Variants in DYM observed in about 807,000 individuals in gnomAD.
The protein encoded by DYM is dyggve-Melchior-Clausen syndrome protein.
Under a neutral mutation model 93.1 loss-of-function variants are expected in DYM, and 78 were observed. That is an observed-to-expected ratio of 0.84 (90% CI 0.70 to 1.01). DYM has a LOEUF of 1.01. Ranked by LOEUF, DYM falls within the 50% of genes least tolerant of loss-of-function variation. DYM has a pLI of 0.00. For missense variants in DYM, 789 were observed against 845.0 expected, an observed-to-expected ratio of 0.93 and a Z score of 0.82; for synonymous variants, 321 against 319.7, an observed-to-expected ratio of 1.00 and a Z score of -0.04.
At chr18:49,370,050 G>A (rs1320040751) in intron 5 of DYM, among the ~76,000 whole-genome samples, 2 of 152,158 alleles carry the variant, frequency 1.3e-5, no homozygotes, top group Non-Finnish European at 2.9e-5. Context: ...GCCGAGATGG[G>A]CGGACCACTT....
chr18:49,183,820 T>C (rs1215931266), intron 14 of DYM, among the ~76,000 whole-genome samples: 2 of 152,034 alleles, frequency 1.3e-5, no homozygotes, highest in Non-Finnish European at 2.9e-5. Flanking sequence ...AGGAAATAAT[T>C]AAGGTTAATG....
rs1244897281 is a variant in DYM at position 49,042,991 on chromosome 18, T to C, written c.*1064A>G. ...ACTGTTTTCAAATGAAGCTTTTCTT[T>C]TTCCCAATGATTAATACAGAGTAGA... On this transcript the variant is annotated 3_prime_UTR_variant, in exon 18 of 18. Coordinates refer to ENST00000675505, the MANE Select transcript of DYM (RefSeq NM_001353214.3). 1 of 152,260 alleles carries C rather than the reference T, an allele frequency of 6.6e-6. No homozygotes were observed. The highest frequency in any genetic ancestry group is 1.5e-5 in the Non-Finnish European group (1 of 68,040). 9.4% of individuals were successfully genotyped at this position (152,260 alleles called of 1,614,324 possible). A position where few individuals can be genotyped will look rare whatever the true frequency, so the allele number is the denominator to read the frequency against.
chr18:49,289,778 T>TATATATATAC (rs1568181753), intron 8 of DYM, among the ~76,000 whole-genome samples: 35 of 55,910 alleles, frequency 6.3e-4, no homozygotes, highest in African/African-American at 2.5e-3. Context: ...TATATACACA[T>TATATATATAC]ATATATATAT....
At chr18:49,178,254 T>C (rs186264177) in intron 14 of DYM, among the ~76,000 whole-genome samples, 2 of 152,202 alleles carry the variant, frequency 1.3e-5, no homozygotes, top group East Asian at 1.9e-4. Context: ...AATGGGAATA[T>C]GTGGAAATGG....
chr18:49,160,895 T>A (rs898166993), intron 15 of DYM, among the ~76,000 whole-genome samples: 5 of 152,216 alleles, frequency 3.3e-5, no homozygotes, highest in African/African-American at 1.2e-4. Flanking sequence ...ACGGTGCTTA[T>A]TTTTAAGGTT....
chr18:49,079,714 G>A (rs942018173), intron 17 of DYM, among the ~76,000 whole-genome samples: 6 of 151,632 alleles, frequency 4.0e-5, no homozygotes, highest in African/African-American at 1.5e-4. Context: ...AGAGCACAGG[G>A]TTGGGGGTAA....
At chr18:49,115,011 T>G (rs534994803) in intron 16 of DYM, among the ~76,000 whole-genome samples, 7 of 152,342 alleles carry the variant, frequency 4.6e-5, no homozygotes, top group Non-Finnish European at 1.0e-4. Flanking sequence ...ATCATCAAAC[T>G]CTGGGTTTAA....
At chr18:49,246,772 G>C (rs1434538686) in intron 13 of DYM, among the ~76,000 whole-genome samples, 3 of 152,186 alleles carry the variant, frequency 2.0e-5, no homozygotes, top group Non-Finnish European at 4.4e-5. Context: ...ACAAAGCAAA[G>C]AGGAATGAGG....
intron 8 of DYM, among the ~76,000 whole-genome samples, chr18:49,299,301 T>C (rs1300043985): frequency 6.6e-6 from 1 of 152,184 alleles, no homozygotes; most frequent in Non-Finnish European, 1.5e-5. Context: ...AAGTAAGTCA[T>C]TCTAAAGTGA....
chr18:49,295,355 G>A (rs1172510147), intron 8 of DYM, among the ~76,000 whole-genome samples: 1 of 152,156 alleles, frequency 6.6e-6, no homozygotes, highest in Non-Finnish European at 1.5e-5. Context: ...ACATTTCCCA[G>A]TCTTTCTTGA....
intron 8 of DYM, among the ~76,000 whole-genome samples, chr18:49,303,764 T>C (rs1262128231): frequency 1.3e-5 from 2 of 152,268 alleles, no homozygotes; most frequent in South Asian, 2.1e-4. Context: ...ATAAAGTATG[T>C]ATCTTTCATT....
At chr18:49,051,776 G>A (rs530770188) in intron 17 of DYM, among the ~76,000 whole-genome samples, 8 of 152,304 alleles carry the variant, frequency 5.3e-5, no homozygotes, top group South Asian at 4.1e-4. Flanking sequence ...GCCCCCGTCC[G>A]TGCTGGCTAG....
intron 14 of DYM, among the ~76,000 whole-genome samples, chr18:49,174,586 G>A (rs1384796450): frequency 6.6e-6 from 1 of 152,048 alleles, no homozygotes; most frequent in Non-Finnish European, 1.5e-5. Flanking sequence ...CTACTTTCCT[G>A]AAAAAAGTGA....
intron 2 of DYM, among the ~76,000 whole-genome samples, chr18:49,408,913 C>T (rs1437680766): frequency 2.0e-5 from 3 of 152,152 alleles, no homozygotes; most frequent in African/African-American, 4.8e-5. Context: ...GCATAACAAA[C>T]GGCTCTGGCC....
At chr18:49,278,286 A>C (rs2094893716) in intron 10 of DYM, among the ~76,000 whole-genome samples, 1 of 152,226 alleles carries the variant, frequency 6.6e-6, no homozygotes, top group South Asian at 2.1e-4. Flanking sequence ...GTACGATATC[A>C]AAATGACAGG....
At chr18:49,130,961 A>G (rs962199496) in intron 15 of DYM, among the ~76,000 whole-genome samples, 2 of 152,214 alleles carry the variant, frequency 1.3e-5, no homozygotes, top group Non-Finnish European at 2.9e-5. Context: ...TGGGCAATTC[A>G]CTGAACCTTT....
At chr18:49,258,879 GA>G (rs2094444169) in intron 11 of DYM, among the ~76,000 whole-genome samples, 4 of 116,218 alleles carry the variant, frequency 3.4e-5, no homozygotes, top group African/African-American at 1.0e-4. Flanking sequence ...GAGAGAGAGA[GA>G]GAGAGATAGG....
intron 14 of DYM, among the ~76,000 whole-genome samples, chr18:49,164,418 G>T (rs1229704045): frequency 6.6e-6 from 1 of 152,138 alleles, no homozygotes; most frequent in Non-Finnish European, 1.5e-5. Context: ...ACAAAAGGGA[G>T]ATGAAGATGA....
chr18:49,400,065 C>T (rs1436866406), intron 2 of DYM, among the ~76,000 whole-genome samples: 1 of 150,116 alleles, frequency 6.7e-6, no homozygotes, highest in African/African-American at 2.5e-5. Context: ...CTCAGCCTCC[C>T]AAGTAGCTGG....
Sources: gnomAD v4.1 joint callset for allele counts (sites outside exome capture counted in the v4.1 genomes callset) on GRCh38, gnomAD v4.1.1 for gene constraint, MANE v1.5 for transcripts, NCBI Gene and HGNC (gene_info 2026-07-23, HGNC 2026-07-21) for gene names.